Variants in NBEAL1 observed in about 807,000 individuals in gnomAD.
NBEAL1 encodes neurobeachin-like protein 1.
In NBEAL1, 273 loss-of-function variants were observed where a neutral mutation model predicts 351.3. The ratio of observed to expected loss-of-function variants is 0.78; its 90% confidence interval spans 0.70 to 0.86. The LOEUF (loss-of-function observed/expected upper bound fraction) is 0.86. Among genes scored for constraint, NBEAL1 ranks in the 40% least tolerant of loss-of-function variants. NBEAL1 has a pLI of 0.00. For synonymous variants in NBEAL1, 1,050 were observed against 1,086.4 expected (o/e 0.97, Z 0.66); for missense variants, 2,961 against 3,201.3 (o/e 0.92, Z 1.81).
chr2:203,116,036 T>G lies in NBEAL1; in HGVS notation c.2558T>G (p.Leu853Arg). 2 of 1,553,796 alleles carry G rather than the reference T, an allele frequency of 1.3e-6. No individual in the cohort carries two copies. Among genetic ancestry groups the G allele is most frequent in the South Asian group, 1.2e-5 (1 of 84,194 alleles). ...WKCQESDMAD[L>R]PGNILLYYTA... ...TGTCAAGAGTCTGACATGGCCGACC[T>G]GCCTGGTAACATCCTTCTTTACTAC... is the stretch of plus-strand genomic sequence containing the variant. Residue 853 changes from leucine to arginine, a missense_variant, in exon 18 of 56, where the codon CTG becomes CGG. Transcript: ENST00000683969.
chr2:203,087,145 G>A (rs1252093742), intron 10 of NBEAL1, among the ~76,000 whole-genome samples: 1 of 137,226 alleles, frequency 7.3e-6, no homozygotes, highest in Non-Finnish European at 1.5e-5. Context: ...CCAGGCTAGA[G>A]TGCAGTGGCG....
chr2:203,148,949 A>AAT, intron 33 of NBEAL1, 42 bp from the exon 34 acceptor site: 1 of 1,508,538 alleles, frequency 6.6e-7, no homozygotes, highest in South Asian at 1.4e-5. Context: ...TATACCTGTA[A>AAT]ATATATGAGT....
At chr2:203,197,127 C>G (rs546313116) in intron 47 of NBEAL1, among the ~76,000 whole-genome samples, 175 bp from the exon 48 acceptor site, 13 of 152,114 alleles carry the variant, frequency 8.5e-5, no homozygotes, top group Admixed American at 5.2e-4. Context: ...TTCAAGTATG[C>G]CATATATACA....
intron 33 of NBEAL1, among the ~76,000 whole-genome samples, chr2:203,147,286 A>G (rs1254047086): frequency 6.6e-6 from 1 of 152,206 alleles, no homozygotes; most frequent in Non-Finnish European, 1.5e-5. Flanking sequence ...ATACCAGTAA[A>G]TTACTACAAA....
At chr2:203,149,239 C>A in intron 34 of NBEAL1, 91 bp downstream of exon 34, 1 of 834,028 alleles carries the variant, frequency 1.2e-6, no homozygotes, top group South Asian at 2.9e-5. Flanking sequence ...ACTCCAATTT[C>A]TTAAATGTTC....
At chr2:203,177,025 C>G (rs141431132) in intron 42 of NBEAL1, among the ~76,000 whole-genome samples, 3,775 of 151,564 alleles carry the variant, frequency 0.025, 168 homozygotes, top group African/African-American at 0.087. Flanking sequence ...GTGGTGTGCA[C>G]CTGTAGTCCC....
chr2:203,217,608 A>G lies in NBEAL1; in HGVS notation c.*254A>G. On this transcript the variant is annotated 3_prime_UTR_variant, in exon 56 of 56. Transcript: ENST00000683969. ...TCCATTTTTAAAACAAACTAAAATG[A>G]GAACATTAGGTTCAATTTTCTTATT... The G allele has an allele frequency of 9.5e-7, 1 of 1,050,514 alleles. No homozygotes were observed. The highest frequency in any genetic ancestry group is 1.2e-6 in the Non-Finnish European group (1 of 861,002). 65.1% of individuals were successfully genotyped at this position (1,050,514 alleles called of 1,614,324 possible). A position where few individuals can be genotyped will look rare whatever the true frequency, so the allele number is the denominator to read the frequency against.
intron 51 of NBEAL1, among the ~76,000 whole-genome samples, chr2:203,207,513 G>C (rs575833138): frequency 2.0e-5 from 3 of 152,364 alleles, no homozygotes; most frequent in African/African-American, 4.8e-5. Context: ...GATGGTTGCC[G>C]TGTCTGTGTT....
chr2:203,092,054 C>G (rs530564743), intron 10 of NBEAL1, among the ~76,000 whole-genome samples: 1 of 152,180 alleles, frequency 6.6e-6, no homozygotes, highest in African/African-American at 2.4e-5. Context: ...AATTTTACTT[C>G]TAGTAGAATT....
In NBEAL1 at chr2:203,122,291, ATTGT is replaced by A. The variant is rs1372520610; in HGVS notation, c.2634_2637del (p.Leu879MetfsTer4). The A allele has an allele frequency of 6.5e-7, 1 of 1,544,678 alleles. No homozygotes were observed. Among genetic ancestry groups the A allele is most frequent in the Non-Finnish European group, 8.7e-7 (1 of 1,144,858 alleles). ...TCAATCTGTCTTGATTTATCTACTAATTGTTTGCATGGAAGATTAACAGGAAACA... is the reference window on the plus strand; with the variant it reads ...TCAATCTGTCTTGATTTATCTACTAATTGCATGGAAGATTAACAGGAAACA... On this transcript the variant is annotated frameshift_variant, in exon 19 of 56. Coordinates refer to ENST00000683969, the MANE Select transcript of NBEAL1 (RefSeq NM_001378026.1). LOFTEE classifies it high-confidence loss of function.
At chr2:203,158,233 C>G (rs1167336223) in intron 36 of NBEAL1, among the ~76,000 whole-genome samples, 1 of 152,014 alleles carries the variant, frequency 6.6e-6, no homozygotes, top group Non-Finnish European at 1.5e-5. Context: ...TTATTAAAAA[C>G]AAGCAAACAA....
intron 18 of NBEAL1, among the ~76,000 whole-genome samples, chr2:203,116,543 G>A (rs1201621807): frequency 2.0e-5 from 3 of 152,026 alleles, no homozygotes; most frequent in Non-Finnish European, 2.9e-5. Flanking sequence ...GGGATGCCCA[G>A]GTGGATCGTT....
intron 43 of NBEAL1, chr2:203,182,159 T>C (rs540138262): frequency 7.9e-5 from 12 of 152,084 alleles, no homozygotes; most frequent in Non-Finnish European, 1.8e-4. Context: ...ACAAGGAAAT[T>C]TTAGTGTTTC....
chr2:203,023,893 G>C (rs1403712116), intron 2 of NBEAL1, among the ~76,000 whole-genome samples: 2 of 152,150 alleles, frequency 1.3e-5, no homozygotes, highest in Non-Finnish European at 2.9e-5. Flanking sequence ...TTAAGAAGAA[G>C]ACAGAGTTTT....
At position 203,049,983 on chromosome 2, in the gene NBEAL1, G is replaced by A. The variant is rs995667686; in HGVS notation, c.305+8G>A. On this transcript the variant is annotated splice_region_variant and intron_variant, in intron 4 of 55. Coordinates refer to ENST00000683969, the MANE Select transcript of NBEAL1 (RefSeq NM_001378026.1). The stretch of plus-strand genomic sequence containing the variant: ...CTTCATTATTCTTTGCAGGTATCTA[G>A]TAGAAAAAATAAGCTAGTTTTCACT... 30 of 1,549,688 alleles carry A rather than the reference G, an allele frequency of 1.9e-5. No individual in the cohort carries two copies. Among genetic ancestry groups the A allele is most frequent in the Non-Finnish European group, 2.4e-5 (28 of 1,145,952 alleles).
At chr2:203,024,110 T>G (rs2060813744) in intron 2 of NBEAL1, among the ~76,000 whole-genome samples, 1 of 151,458 alleles carries the variant, frequency 6.6e-6, no homozygotes, top group African/African-American at 2.4e-5. Context: ...GTGGGAGATT[T>G]GCTTGAGCTC....
At chr2:203,126,424 A>T in intron 21 of NBEAL1, 133 bp from the exon 22 acceptor site, 1 of 721,182 alleles carries the variant, frequency 1.4e-6, no homozygotes, top group Non-Finnish European at 2.0e-6. Context: ...ACCAATACTT[A>T]AGTTTTTATT....
At chr2:203,145,207 G>T (rs572305478) in intron 33 of NBEAL1, 47 bp downstream of exon 33, 2 of 1,548,260 alleles carry the variant, frequency 1.3e-6, no homozygotes, top group South Asian at 1.2e-5. Flanking sequence ...TTGATTTTAG[G>T]CATTTAATAT....
rs1041180717 is a variant in NBEAL1 at position 203,221,634 on chromosome 2, A to C, written c.*4280A>C. Among the ~76,000 whole-genome samples the C allele has an allele frequency of 4.6e-5, 7 of 152,202 alleles. No individual in the cohort carries two copies. The East Asian group carries it at 7.7e-4, about 17-fold the overall frequency. ...TCATCAGCTGAAACTGTTTCTCCCC[A>C]ATAAGTGAGCAATCTTAAACATTTT... On this transcript the variant is annotated 3_prime_UTR_variant, in exon 56 of 56. Transcript: ENST00000683969.
Sources: allele counts gnomAD v4.1 joint callset (sites outside exome capture counted in the v4.1 genomes callset), GRCh38; gene constraint gnomAD v4.1.1; transcripts MANE v1.5; gene names NCBI Gene and HGNC (gene_info 2026-07-23, HGNC 2026-07-21).